NSG2: variants seen among roughly 807,000 people sequenced by gnomAD.
NSG2 encodes neuronal vesicle trafficking-associated protein 2.
Under a neutral mutation model 16.9 loss-of-function variants are expected in NSG2, and 4 were observed. That is an observed-to-expected ratio of 0.24 (90% CI 0.12 to 0.54). NSG2 has a LOEUF of 0.54. Ranked by LOEUF, NSG2 falls within the 20% of genes least tolerant of loss-of-function variation. The probability of loss-of-function intolerance (pLI) is 0.95; values close to 1 mark genes in which losing one functional copy is unlikely to be tolerated. For missense variants in NSG2, 179 were observed against 221.1 expected, an observed-to-expected ratio of 0.81 and a Z score of 1.21; for synonymous variants, 98 against 88.7, an observed-to-expected ratio of 1.11 and a Z score of -0.59.
rs544917977 is a variant in NSG2 at position 174,099,342 on chromosome 5, C to G, written c.214-4886C>G. ...GCCGGCCCTTCCTCCTCTTGTCTCGCAGTGCTGTGCTCACCTCTTATGCCA... is the reference window on the plus strand; with the variant it reads ...GCCGGCCCTTCCTCCTCTTGTCTCGGAGTGCTGTGCTCACCTCTTATGCCA... On this transcript the variant is annotated intron_variant, in intron 3 of 4. Transcript: ENST00000303177. Among the ~76,000 whole-genome samples, 1,097 of 152,278 alleles carry G rather than the reference C, an allele frequency of 7.2e-3. 6 individuals carry two copies. The highest frequency in any genetic ancestry group is 0.011 in the Non-Finnish European group (726 of 68,020).
intron 3 of NSG2, among the ~76,000 whole-genome samples, chr5:174,087,703 G>A (rs748053963): frequency 8.6e-5 from 13 of 151,768 alleles, no homozygotes; most frequent in African/African-American, 1.2e-4. Context: ...TGGGAGGATC[G>A]CTTGTGCCTG....
intron 3 of NSG2, among the ~76,000 whole-genome samples, chr5:174,084,407 G>A (rs866306449): frequency 1.7e-4 from 26 of 152,166 alleles, no homozygotes; most frequent in African/African-American, 5.8e-4. Context: ...CCAGATGCAG[G>A]GGCTATAGAG....
chr5:174,097,553 G>T (rs1225840009), intron 3 of NSG2, among the ~76,000 whole-genome samples: 1 of 149,060 alleles, frequency 6.7e-6, no homozygotes, highest in African/African-American at 2.5e-5. Flanking sequence ...GTGTCTGTAT[G>T]TCTCTGTGTG....
intron 3 of NSG2, chr5:174,064,518 C>T (rs747752543): frequency 6.2e-5 from 26 of 420,798 alleles, no homozygotes; most frequent in Admixed American, 1.6e-4. Flanking sequence ...ATCATATTCT[C>T]GTGTACTCTG....
rs374064077 is a variant in NSG2 at position 174,080,764 on chromosome 5, T to C, written c.213+16449T>C. ...TTTTAGTAAAGATGGGGTTTTACCATATTGGCCAGGCTGGTCTTAAATTCC... is the reference window on the plus strand; with the variant it reads ...TTTTAGTAAAGATGGGGTTTTACCACATTGGCCAGGCTGGTCTTAAATTCC... On this transcript the variant is annotated intron_variant, in intron 3 of 4. Transcript: ENST00000303177. Among the ~76,000 whole-genome samples, 20 of 152,116 alleles carry C rather than the reference T, an allele frequency of 1.3e-4. 1 individual carries two copies. The highest frequency in any genetic ancestry group is 1.0e-3 in the Admixed American group (16 of 15,274).
intron 3 of NSG2, among the ~76,000 whole-genome samples, chr5:174,078,910 T>C (rs890472728): frequency 3.9e-5 from 6 of 152,074 alleles, no homozygotes; most frequent in African/African-American, 1.2e-4. Context: ...GTCTATGGTA[T>C]TTTCTTATAA....
intron 2 of NSG2, among the ~76,000 whole-genome samples, chr5:174,049,573 G>A (rs1759856309): frequency 6.6e-6 from 1 of 152,164 alleles, no homozygotes; most frequent in Non-Finnish European, 1.5e-5. Flanking sequence ...ACACAGAGTG[G>A]TAAAGTAGTT....
At chr5:174,068,676 TCTGGTGCTATGGAAGGTG>T (rs1467269406) in intron 3 of NSG2, among the ~76,000 whole-genome samples, 2 of 130,102 alleles carry the variant, frequency 1.5e-5, no homozygotes, top group African/African-American at 5.9e-5. Context: ...TCATAGTGAT[TCTGGTGCTATGGAAGGTG>T]CTGGTGCTGT....
At chr5:174,069,338 C>G (rs910973770) in intron 3 of NSG2, among the ~76,000 whole-genome samples, 1 of 152,130 alleles carries the variant, frequency 6.6e-6, no homozygotes, top group Admixed American at 6.5e-5. Flanking sequence ...AGCTATGCTG[C>G]CAGGCCTGGT....
chr5:174,065,336 A>G (rs1360126829), intron 3 of NSG2, among the ~76,000 whole-genome samples: 1 of 151,670 alleles, frequency 6.6e-6, no homozygotes, highest in Admixed American at 6.6e-5. Flanking sequence ...TCAAAAAAAA[A>G]AAAAGAAATA....
chr5:174,100,463 T>A (rs1760880878), intron 3 of NSG2, among the ~76,000 whole-genome samples: 1 of 152,152 alleles, frequency 6.6e-6, no homozygotes, highest in Non-Finnish European at 1.5e-5. Flanking sequence ...CTCTTCCTGG[T>A]TACACACGGT....
At position 174,108,433 on chromosome 5, in the gene NSG2, T is replaced by G. The variant is rs1761019414; in HGVS notation, c.*928T>G. ...CAGGCACCTGACTTTTAAGTTTTTG[T>G]TTGTTTGTTGTTTCCCAAAGTGCTG... On this transcript the variant is annotated 3_prime_UTR_variant, in exon 5 of 5. Coordinates refer to ENST00000303177, the MANE Select transcript of NSG2 (RefSeq NM_015980.5). The G allele has an allele frequency of 6.6e-6, 1 of 152,542 alleles. No individual in the cohort carries two copies. The highest frequency in any genetic ancestry group is 2.4e-5 in the African/African-American group (1 of 41,450). 9.4% of individuals were successfully genotyped at this position (152,542 alleles called of 1,614,324 possible).
intron 3 of NSG2, among the ~76,000 whole-genome samples, chr5:174,071,132 A>G (rs150033722): frequency 6.6e-6 from 1 of 152,312 alleles, no homozygotes; most frequent in African/African-American, 2.4e-5. Flanking sequence ...CCTTAGCCCA[A>G]AGGGACCAGA....
At chr5:174,063,033 G>T (rs566759060) in intron 2 of NSG2, among the ~76,000 whole-genome samples, 13 of 152,174 alleles carry the variant, frequency 8.5e-5, no homozygotes, top group Non-Finnish European at 1.8e-4. Context: ...TCCTTGTTAG[G>T]AGAATGGAAA....
chr5:174,055,755 C>T (rs1021787696), intron 2 of NSG2, among the ~76,000 whole-genome samples: 1 of 152,202 alleles, frequency 6.6e-6, no homozygotes, highest in African/African-American at 2.4e-5. Flanking sequence ...GAGCTCCAGA[C>T]TGAGAGTTGG....
chr5:174,093,212 T>C (rs1164908153), intron 3 of NSG2, among the ~76,000 whole-genome samples: 1 of 152,168 alleles, frequency 6.6e-6, no homozygotes, highest in Non-Finnish European at 1.5e-5. Context: ...TTCATGGAGT[T>C]GCAGGGCCAT....
chr5:174,091,927 G>A (rs1760727308), intron 3 of NSG2, among the ~76,000 whole-genome samples: 1 of 152,138 alleles, frequency 6.6e-6, no homozygotes, highest in African/African-American at 2.4e-5. Flanking sequence ...ATGGAATCCT[G>A]GGTAGGACTT....
chr5:174,095,307 A>C (rs891248773), intron 3 of NSG2, among the ~76,000 whole-genome samples: 1 of 152,172 alleles, frequency 6.6e-6, no homozygotes, highest in African/African-American at 2.4e-5. Flanking sequence ...TGTGCGGCTG[A>C]ATGCAACAGA....
intron 2 of NSG2, among the ~76,000 whole-genome samples, chr5:174,051,955 T>G (rs1016109272): frequency 6.6e-6 from 1 of 151,958 alleles, no homozygotes; most frequent in Admixed American, 6.6e-5. Flanking sequence ...AGAGATGAGG[T>G]GGGGTGGGTA....
Sources: gnomAD v4.1 joint callset for allele counts (sites outside exome capture counted in the v4.1 genomes callset) on GRCh38, gnomAD v4.1.1 for gene constraint, MANE v1.5 for transcripts, NCBI Gene and HGNC (gene_info 2026-07-23, HGNC 2026-07-21) for gene names.